Variants in NUMB observed in about 807,000 individuals in gnomAD.
NUMB encodes protein numb homolog.
NUMB carries 29 observed loss-of-function variants against 59.7 expected under a neutral mutation model. The ratio of observed to expected loss-of-function variants is 0.49; its 90% CI spans 0.36 to 0.66. The LOEUF (loss-of-function observed/expected upper bound fraction) is 0.66, where lower values mean the gene tolerates loss of function less well. Among genes scored for constraint, NUMB ranks in the 30% least tolerant of loss-of-function variants. The pLI is 0.00. For missense variants in NUMB, 723 were observed against 822.0 expected (o/e 0.88, Z 1.47); for synonymous variants, 288 against 288.2 (o/e 1.00, Z 0.01).
intron 2 of NUMB, among the ~76,000 whole-genome samples, chr14:73,378,339 G>A (rs1376727199): frequency 1.3e-5 from 2 of 152,116 alleles, no homozygotes; most frequent in Non-Finnish European, 2.9e-5. Flanking sequence ...AGAAAAGTTT[G>A]GCAGTTGCTT....
intron 1 of NUMB, among the ~76,000 whole-genome samples, chr14:73,439,886 G>A (rs1035150626): frequency 6.6e-6 from 1 of 152,090 alleles, no homozygotes; most frequent in Non-Finnish European, 1.5e-5. Context: ...AATAACTAAT[G>A]ACACAAGGAT....
intron 6 of NUMB, among the ~76,000 whole-genome samples, chr14:73,304,257 T>C (rs1047210460): frequency 9.7e-6 from 1 of 103,020 alleles, no homozygotes; most frequent in African/African-American, 4.5e-5. Flanking sequence ...AATTGCTATC[T>C]ACCTATCTCC....
At chr14:73,367,463 G>A (rs1366051019) in intron 2 of NUMB, among the ~76,000 whole-genome samples, 1 of 151,208 alleles carries the variant, frequency 6.6e-6, no homozygotes, top group East Asian at 1.9e-4. Flanking sequence ...TAGCATTCAA[G>A]GGGCCCAAAA....
At chr14:73,380,319 A>C (rs1385700370) in intron 2 of NUMB, among the ~76,000 whole-genome samples, 1 of 152,214 alleles carries the variant, frequency 6.6e-6, no homozygotes, top group Non-Finnish European at 1.5e-5. Flanking sequence ...TGCTGACCTG[A>C]GCAATCGGAA....
chr14:73,443,490 G>A (rs913235779), intron 1 of NUMB, among the ~76,000 whole-genome samples: 2 of 151,762 alleles, frequency 1.3e-5, no homozygotes, highest in African/African-American at 4.8e-5. Flanking sequence ...AGCTAATCAG[G>A]AGGCTGAGGC....
chr14:73,278,045 CAAA>C (rs57146032), intron 12 of NUMB, among the ~76,000 whole-genome samples: 3 of 69,234 alleles, frequency 4.3e-5, no homozygotes, highest in African/African-American at 1.2e-4. Flanking sequence ...GACTCCGTCT[CAAA>C]AAAAAAAAAA....
intron 5 of NUMB, among the ~76,000 whole-genome samples, chr14:73,319,254 C>T (rs530906383): frequency 1.9e-3 from 291 of 152,246 alleles, no homozygotes; most frequent in Admixed American, 2.9e-3. Flanking sequence ...CAGAGCGAAA[C>T]TCCACTCCAA....
intron 6 of NUMB, among the ~76,000 whole-genome samples, chr14:73,302,033 A>G (rs1174005734): frequency 6.6e-6 from 1 of 152,106 alleles, no homozygotes; most frequent in East Asian, 1.9e-4. Context: ...CAGTGAGCTG[A>G]GATCACGCCA....
At chr14:73,311,274 T>G (rs1432337207) in intron 6 of NUMB, among the ~76,000 whole-genome samples, 4 of 152,178 alleles carry the variant, frequency 2.6e-5, no homozygotes, top group Non-Finnish European at 5.9e-5. Flanking sequence ...CAGACTCGTC[T>G]TGAACTCCTG....
rs1191742978 is a variant in NUMB at position 73,275,606 on chromosome 14, A to AAGAT, written c.*968_*971dup. 3.9e-5 allele frequency: 6 copies of AAGAT among 152,358 alleles called. No homozygotes were observed. Among genetic ancestry groups the AAGAT allele is most frequent in the Admixed American group, 6.5e-5 (1 of 15,304 alleles). 9.4% of individuals were successfully genotyped at this position (152,358 alleles called of 1,614,324 possible). On this transcript the variant is annotated 3_prime_UTR_variant, in exon 13 of 13. Transcript: ENST00000555238. ...ATAAGGAAACTGCAGCAATATATAA[A>AAGAT]AGATATATTCTCTATAGAGCATATT...
chr14:73,419,941 T>C (rs1595017794), intron 1 of NUMB, among the ~76,000 whole-genome samples: 1 of 152,288 alleles, frequency 6.6e-6, no homozygotes, highest in East Asian at 1.9e-4. Flanking sequence ...TCTTGGCTCA[T>C]TGCAACCTCT....
At chr14:73,297,326 A>G in intron 6 of NUMB, 41 bp from the exon 7 acceptor site, 1 of 1,152,348 alleles carries the variant, frequency 8.7e-7, no homozygotes, top group Non-Finnish European at 1.3e-6. Flanking sequence ...AGATACACAT[A>G]TATAATATTA....
chr14:73,327,798 G>A (rs752540820), intron 4 of NUMB, among the ~76,000 whole-genome samples: 8 of 152,026 alleles, frequency 5.3e-5, no homozygotes, highest in Admixed American at 2.6e-4. Context: ...AGAGGTCTAT[G>A]AGATTTGACA....
At chr14:73,385,803 C>G (rs1196262170) in intron 2 of NUMB, among the ~76,000 whole-genome samples, 1 of 152,090 alleles carries the variant, frequency 6.6e-6, no homozygotes, top group Non-Finnish European at 1.5e-5. Flanking sequence ...TGCCTGCCCA[C>G]TAGTGGCTTC....
intron 1 of NUMB, among the ~76,000 whole-genome samples, chr14:73,427,302 T>A (rs1434091988): frequency 6.6e-6 from 1 of 151,570 alleles, no homozygotes; most frequent in Non-Finnish European, 1.5e-5. Flanking sequence ...TGAAATTTTG[T>A]AAAAATACAA....
At chr14:73,341,389 T>C (rs763898357) in intron 4 of NUMB, among the ~76,000 whole-genome samples, 1 of 152,140 alleles carries the variant, frequency 6.6e-6, no homozygotes, top group Non-Finnish European at 1.5e-5. Flanking sequence ...GGTAGAAGGA[T>C]GTGTGGGTTA....
At position 73,326,520 on chromosome 14, in the gene NUMB, G is replaced by A. The variant is rs548436808; in HGVS notation, c.127-3316C>T. Among the ~76,000 whole-genome samples, 6 of 151,988 alleles carry A rather than the reference G, an allele frequency of 3.9e-5. No individual in the cohort carries two copies. The South Asian group carries it at 1.0e-3, about 26-fold the overall frequency. ...CAGGCGCCTGTAATTCCAGCTCCTC[G>A]GGAGGCTGAGGCAGGAGAATTGCTT... On this transcript the variant is annotated intron_variant, in intron 4 of 12. Coordinates refer to ENST00000555238, the MANE Select transcript of NUMB (RefSeq NM_001005743.2).
At chr14:73,415,516 T>C (rs1897089739) in intron 1 of NUMB, among the ~76,000 whole-genome samples, 1 of 151,380 alleles carries the variant, frequency 6.6e-6, no homozygotes, top group Non-Finnish European at 1.5e-5. Flanking sequence ...TTCTTTTTTT[T>C]TTTTTTTTGA....
At chr14:73,284,621 T>G in intron 9 of NUMB, 1 of 337,786 alleles carries the variant, frequency 3.0e-6, no homozygotes, top group African/African-American at 2.1e-5. Flanking sequence ...CATTCAGTGA[T>G]TTATAAATTA....
Sources: gnomAD v4.1 joint callset for allele counts (sites outside exome capture counted in the v4.1 genomes callset) on GRCh38, gnomAD v4.1.1 for gene constraint, MANE v1.5 for transcripts, NCBI Gene and HGNC (gene_info 2026-07-23, HGNC 2026-07-21) for gene names.